Variants in DHX35 observed in about 807,000 individuals in gnomAD.
DHX35 encodes DEAH-box helicase 35.
DHX35 carries 84 observed loss-of-function variants against 99.6 expected under a neutral mutation model. That is an observed-to-expected ratio of 0.84 (90% confidence interval 0.71 to 1.01). The LOEUF is 1.01. Among genes scored for constraint, DHX35 ranks in the 50% least tolerant of loss-of-function variants. The pLI is 0.00. For missense variants in DHX35, 852 were observed against 888.5 expected (o/e 0.96, Z 0.52); for synonymous variants, 331 against 316.2 (o/e 1.05, Z -0.50).
chr20:38,968,067 A>G (rs2085935681), intron 1 of DHX35, among the ~76,000 whole-genome samples: 1 of 152,096 alleles, frequency 6.6e-6, no homozygotes, highest in African/African-American at 2.4e-5. Flanking sequence ...AAAGCAAGTG[A>G]GCTCCGTGAG....
chr20:39,022,026 A>G, intron 16 of DHX35, 91 bp downstream of exon 16: 2 of 1,275,454 alleles, frequency 1.6e-6, no homozygotes, highest in Non-Finnish European at 2.3e-6. Context: ...TGCTGAAGAC[A>G]GAGCTGTACA....
chr20:39,027,563 A>G (rs1005993819), intron 18 of DHX35, among the ~76,000 whole-genome samples: 5 of 152,196 alleles, frequency 3.3e-5, no homozygotes, highest in African/African-American at 1.2e-4. Flanking sequence ...GTAAGAATGC[A>G]GTGAAACTGC....
chr20:39,006,819 G>C (rs1271356191), intron 12 of DHX35, among the ~76,000 whole-genome samples: 3 of 152,192 alleles, frequency 2.0e-5, no homozygotes, highest in African/African-American at 7.2e-5. Context: ...CTCATTCATA[G>C]AAAACAAATA....
At chr20:38,992,498 C>T in intron 7 of DHX35, 73 bp downstream of exon 7, 1 of 1,419,680 alleles carries the variant, frequency 7.0e-7, no homozygotes, top group Non-Finnish European at 1.0e-6. Flanking sequence ...ACTGTAGCAA[C>T]TTGGAAAGTA....
rs59991063 is a variant in DHX35 at position 38,989,265 on chromosome 20, GT to G, written c.450+370del. Among the ~76,000 whole-genome samples the G allele has an allele frequency of 3.4e-3, 385 of 111,880 alleles. 2 individuals carry two copies. The highest frequency in any genetic ancestry group is 8.9e-3 in the African/African-American group (249 of 27,868). The allele number at this position is 111,880 out of a possible 152,430, so 73.4% of individuals were successfully genotyped here. On this transcript the variant is annotated intron_variant, in intron 5 of 21. Coordinates refer to ENST00000252011, the MANE Select transcript of DHX35 (RefSeq NM_021931.4). Reference sequence around the variant, plus strand: ...GGCGACCGTCACCACACCCGGCTAAGTTTTTTTTTTTTTTTTTTTTTTGTAT... The same window carrying G: ...GGCGACCGTCACCACACCCGGCTAAGTTTTTTTTTTTTTTTTTTTTTGTAT...
intron 20 of DHX35, among the ~76,000 whole-genome samples, 197 bp downstream of exon 20, chr20:39,030,972 G>A (rs1409878099): frequency 1.3e-5 from 2 of 152,140 alleles, no homozygotes; most frequent in Non-Finnish European, 2.9e-5. Context: ...AGACCAGCCT[G>A]GCCAACATGG....
At chr20:39,011,777 G>A (rs2070719678) in intron 13 of DHX35, among the ~76,000 whole-genome samples, 1 of 152,194 alleles carries the variant, frequency 6.6e-6, no homozygotes, top group Admixed American at 6.5e-5. Context: ...TGACAAGTCT[G>A]GAAAGTCTGG....
chr20:38,969,249 G>C, intron 2 of DHX35, 35 bp downstream of exon 2: 1 of 1,582,964 alleles, frequency 6.3e-7, no homozygotes, highest in Non-Finnish European at 8.6e-7. Context: ...CTGTGGGCTT[G>C]AATCGTGTGT....
In DHX35 at chr20:38,971,620, A is replaced by G. The variant is rs1485568941; in HGVS notation, c.175-939A>G. Among the ~76,000 whole-genome samples, 3 of 152,280 alleles carry G rather than the reference A, an allele frequency of 2.0e-5. No homozygotes were observed. The South Asian group carries it at 6.2e-4, about 32-fold the overall frequency. On this transcript the variant is annotated intron_variant, in intron 2 of 21. Coordinates refer to ENST00000252011, the MANE Select transcript of DHX35 (RefSeq NM_021931.4). The stretch of plus-strand genomic sequence containing the variant: ...TGTCAACCTCTCTGGGGGCAGCACT[A>G]TTGACAGCTTCTTGTTTTGTTTTGT...
At chr20:38,991,394 ATACCAT>A in intron 5 of DHX35, 54 bp from the exon 6 acceptor site, 1 of 1,495,154 alleles carries the variant, frequency 6.7e-7, no homozygotes. Flanking sequence ...AACTTAAAAA[ATACCAT>A]TAATATGTAG....
intron 14 of DHX35, 124 bp from the exon 15 acceptor site, chr20:39,018,680 C>T: frequency 2.1e-6 from 2 of 930,404 alleles, no homozygotes; most frequent in East Asian, 4.9e-5. Flanking sequence ...TGGTGTAGTG[C>T]ATGAATCATC....
intron 8 of DHX35, among the ~76,000 whole-genome samples, chr20:38,996,313 A>G (rs1171822327): frequency 6.6e-6 from 1 of 152,150 alleles, no homozygotes; most frequent in Non-Finnish European, 1.5e-5. Context: ...ACTTTGTCTT[A>G]TTTTATCTCT....
intron 14 of DHX35, among the ~76,000 whole-genome samples, chr20:39,015,824 C>T (rs933949802): frequency 1.3e-4 from 20 of 152,254 alleles, no homozygotes; most frequent in African/African-American, 4.6e-4. Context: ...AAATCTTTAC[C>T]CATTAGCGCC....
chr20:39,032,507 C>T (rs988190848), intron 20 of DHX35, among the ~76,000 whole-genome samples: 2 of 152,162 alleles, frequency 1.3e-5, no homozygotes, highest in African/African-American at 4.8e-5. Flanking sequence ...ACAACTTGTC[C>T]TTCTCCAATT....
At chr20:39,014,747 A>C (rs1468518668) in intron 13 of DHX35, 133 bp from the exon 14 acceptor site, 18 of 1,109,848 alleles carry the variant, frequency 1.6e-5, no homozygotes, top group Non-Finnish European at 2.0e-5. Context: ...TGCCAACAGC[A>C]AGAACAGAAA....
At chr20:38,973,542 C>T (rs578188723) in intron 3 of DHX35, among the ~76,000 whole-genome samples, 5 of 152,320 alleles carry the variant, frequency 3.3e-5, no homozygotes, top group African/African-American at 9.6e-5. Context: ...CTACTAACCT[C>T]ATAAATTAGT....
Position 39,038,572 on chromosome 20 carries a change from C to T in DHX35, c.*29C>T. 1 of 1,605,402 alleles carries T rather than the reference C, an allele frequency of 6.2e-7. No homozygotes were observed. Among genetic ancestry groups the T allele is most frequent in the Non-Finnish European group, 8.5e-7 (1 of 1,178,172 alleles). Reference sequence around the variant, plus strand: ...GAGCCCACAGCTACAGCTGCAGGGACTGCTGGCGTCCTCTCCTCCATGCTG... The same window carrying T: ...GAGCCCACAGCTACAGCTGCAGGGATTGCTGGCGTCCTCTCCTCCATGCTG... On this transcript the variant is annotated 3_prime_UTR_variant, in exon 22 of 22. Coordinates refer to ENST00000252011, the MANE Select transcript of DHX35 (RefSeq NM_021931.4).
intron 3 of DHX35, among the ~76,000 whole-genome samples, chr20:38,979,621 T>C (rs947023735): frequency 6.6e-6 from 1 of 152,208 alleles, no homozygotes; most frequent in Non-Finnish European, 1.5e-5. Context: ...CAGTCACTGT[T>C]TCCAACTTAT....
At chr20:38,997,363 G>A (rs185377629) in intron 8 of DHX35, among the ~76,000 whole-genome samples, 6 of 152,158 alleles carry the variant, frequency 3.9e-5, no homozygotes, top group Admixed American at 3.9e-4. Context: ...GAACCACCAC[G>A]CCTGGCCAGA....
Sources: allele counts gnomAD v4.1 joint callset (sites outside exome capture counted in the v4.1 genomes callset), GRCh38; gene constraint gnomAD v4.1.1; transcripts MANE v1.5; gene names NCBI Gene and HGNC (gene_info 2026-07-23, HGNC 2026-07-21).